The following SNAP25 variants were observed in gnomAD, a reference collection of about 807,000 sequenced individuals.
SNAP25 encodes synaptosomal-associated protein 25.
A neutral mutation model predicts 28.7 loss-of-function variants in SNAP25; 3 were observed. The observed-to-expected ratio is 0.10, with a 90% CI of 0.05 to 0.27. The LOEUF is 0.27. Among genes scored for constraint, SNAP25 ranks in the 10% least tolerant of loss-of-function variants. The pLI is 1.00. For synonymous variants in SNAP25, 61 were observed against 88.1 expected (o/e 0.69, Z 1.72); for missense variants, 117 against 278.7 (o/e 0.42, Z 4.13).
At chr20:10,261,794 A>G (rs1374863705) in intron 1 of SNAP25, among the ~76,000 whole-genome samples, 5 of 152,206 alleles carry the variant, frequency 3.3e-5, no homozygotes, top group African/African-American at 1.2e-4. Context: ...AGGGTTTTGG[A>G]AAAACTATTC....
chr20:10,260,336 C>A (rs2063388961), intron 1 of SNAP25, among the ~76,000 whole-genome samples: 1 of 152,128 alleles, frequency 6.6e-6, no homozygotes, highest in Admixed American at 6.5e-5. Context: ...AAAACTTGTT[C>A]TATAAACACA....
intron 5 of SNAP25, among the ~76,000 whole-genome samples, chr20:10,295,181 G>A (rs552725728): frequency 6.6e-6 from 1 of 152,356 alleles, no homozygotes; most frequent in African/African-American, 2.4e-5. Context: ...GCTTCGCCCT[G>A]TCTCGGCATG....
intron 6 of SNAP25, 35 bp from the exon 7 acceptor site, chr20:10,299,233 C>A (rs772325937): frequency 6.2e-7 from 1 of 1,608,774 alleles, no homozygotes; most frequent in Non-Finnish European, 8.5e-7. Context: ...TGTTTTCCAC[C>A]CTCTGTCTTC....
chr20:10,244,387 A>T (rs2063090562), intron 1 of SNAP25, among the ~76,000 whole-genome samples: 1 of 152,242 alleles, frequency 6.6e-6, no homozygotes, highest in Admixed American at 6.5e-5. Flanking sequence ...CTATATGCCC[A>T]GCACTGTTCA....
At chr20:10,246,895 G>A (rs1311571912) in intron 1 of SNAP25, among the ~76,000 whole-genome samples, 1 of 152,126 alleles carries the variant, frequency 6.6e-6, no homozygotes, top group African/African-American at 2.4e-5. Context: ...TAGCATAAAG[G>A]TTAACAGCCT....
At chr20:10,274,839 T>C (rs2063660475) in intron 1 of SNAP25, among the ~76,000 whole-genome samples, 1 of 151,822 alleles carries the variant, frequency 6.6e-6, no homozygotes, top group Non-Finnish European at 1.5e-5. Context: ...CGAGACTCTG[T>C]CTCAAAAAAA....
chr20:10,296,453 G>A (rs2064111917), intron 5 of SNAP25: 1 of 163,156 alleles, frequency 6.1e-6, no homozygotes, highest in African/African-American at 2.4e-5. Flanking sequence ...ATCTTTGCAT[G>A]ATGGTGTGTA....
At chr20:10,239,931 G>A (rs1237418380) in intron 1 of SNAP25, among the ~76,000 whole-genome samples, 1 of 152,168 alleles carries the variant, frequency 6.6e-6, no homozygotes, top group Non-Finnish European at 1.5e-5. Flanking sequence ...ATTAGCTATT[G>A]CTCTGTAACA....
intron 1 of SNAP25, among the ~76,000 whole-genome samples, chr20:10,239,955 C>T (rs1290825710): frequency 1.3e-5 from 2 of 152,150 alleles, no homozygotes; most frequent in African/African-American, 4.8e-5. Context: ...TTACTGCAAC[C>T]CCAGTGACTT....
Position 10,268,060 on chromosome 20 carries a change from G to A in SNAP25, c.-63-7369G>A, listed in dbSNP as rs564724040. On this transcript the variant is annotated intron_variant, in intron 1 of 7. Coordinates refer to ENST00000254976, the MANE Select transcript of SNAP25 (RefSeq NM_130811.4). Reference sequence around the variant, plus strand: ...TGTGTCACTGAAAGTTTGTGTAAAGGTATATTTTATATGAAAAGCACTTAA... The same window carrying A: ...TGTGTCACTGAAAGTTTGTGTAAAGATATATTTTATATGAAAAGCACTTAA... Among the ~76,000 whole-genome samples the A allele has an allele frequency of 2.6e-5, 4 of 152,272 alleles. No homozygotes were observed. The East Asian group carries it at 7.7e-4, about 29-fold the overall frequency.
intron 6 of SNAP25, among the ~76,000 whole-genome samples, chr20:10,298,190 G>A (rs1193073107): frequency 6.6e-6 from 1 of 151,344 alleles, no homozygotes; most frequent in African/African-American, 2.4e-5. Context: ...ACAAGCACCT[G>A]TGGCCCATTA....
chr20:10,305,890 A>T lies in SNAP25; in HGVS notation c.553-239A>T, dbSNP rs2064344348. 3.9e-5 allele frequency among the ~76,000 whole-genome samples: 6 copies of T among 152,216 alleles called. No individual in the cohort carries two copies. The South Asian group carries it at 1.2e-3, about 32-fold the overall frequency. On this transcript the variant is annotated intron_variant, in intron 7 of 7. Transcript: ENST00000254976. ...TATTAAAAATGAAAATTAAAAAAGC[A>T]ATGATTCTGAAAAAATATATTCGTT...
intron 1 of SNAP25, among the ~76,000 whole-genome samples, chr20:10,267,538 T>C (rs1369643730): frequency 8.3e-6 from 1 of 120,868 alleles, no homozygotes; most frequent in African/African-American, 3.3e-5. Context: ...AGTCTCCAGG[T>C]TTTTTGTTTG....
intron 5 of SNAP25, among the ~76,000 whole-genome samples, chr20:10,294,135 T>C (rs1189823058): frequency 6.6e-6 from 1 of 152,152 alleles, no homozygotes; most frequent in Non-Finnish European, 1.5e-5. Context: ...CCAACATGCA[T>C]TTGGAAAATT....
chr20:10,300,239 A>C (rs1181058702), intron 7 of SNAP25, among the ~76,000 whole-genome samples: 1 of 152,156 alleles, frequency 6.6e-6, no homozygotes, highest in Non-Finnish European at 1.5e-5. Flanking sequence ...AAACACTGGA[A>C]CGTTCCTATA....
intron 1 of SNAP25, among the ~76,000 whole-genome samples, chr20:10,262,931 G>T (rs6077710): frequency 3.3e-5 from 5 of 151,948 alleles, no homozygotes; most frequent in Non-Finnish European, 7.4e-5. Flanking sequence ...GGTGGGCGGT[G>T]GGGGGAGTAG....
At chr20:10,273,451 C>T (rs1385669313) in intron 1 of SNAP25, among the ~76,000 whole-genome samples, 2 of 152,172 alleles carry the variant, frequency 1.3e-5, no homozygotes, top group African/African-American at 4.8e-5. Flanking sequence ...ATTGTTTGCT[C>T]ACGTAAGAGT....
intron 1 of SNAP25, among the ~76,000 whole-genome samples, chr20:10,267,049 T>C (rs945972316): frequency 1.3e-5 from 2 of 152,114 alleles, no homozygotes; most frequent in Non-Finnish European, 1.5e-5. Flanking sequence ...GTAAAAATCA[T>C]ATGGACCACT....
intron 3 of SNAP25, among the ~76,000 whole-genome samples, chr20:10,282,193 AAG>A (rs1331789221): frequency 8.0e-5 from 12 of 149,096 alleles, no homozygotes; most frequent in Non-Finnish European, 1.5e-4. Context: ...GGAAGGAAGG[AAG>A]GAAGGAAGGA....
Sources: allele counts gnomAD v4.1 joint callset (sites outside exome capture counted in the v4.1 genomes callset), GRCh38; gene constraint gnomAD v4.1.1; transcripts MANE v1.5; gene names NCBI Gene and HGNC (gene_info 2026-07-23, HGNC 2026-07-21).